The following NKAIN2 variants were observed in gnomAD, a reference collection of about 807,000 sequenced individuals.
NKAIN2 encodes sodium/potassium transporting ATPase interacting 2.
NKAIN2 carries 14 observed loss-of-function variants against 32.6 expected under a neutral mutation model. That is an observed-to-expected ratio of 0.43 (90% confidence interval 0.28 to 0.67). NKAIN2 has a LOEUF of 0.67. Among genes scored for constraint, NKAIN2 ranks in the 30% least tolerant of loss-of-function variants. The pLI is 0.17. For missense variants in NKAIN2, 198 were observed against 258.3 expected, an observed-to-expected ratio of 0.77 and a Z score of 1.60; for synonymous variants, 80 against 87.2, an observed-to-expected ratio of 0.92 and a Z score of 0.46.
chr6:124,533,398 G>A (rs1779598186), intron 3 of NKAIN2, among the ~76,000 whole-genome samples: 1 of 146,946 alleles, frequency 6.8e-6, no homozygotes, highest in Non-Finnish European at 1.5e-5. Flanking sequence ...CGTGAACCCG[G>A]GAGGTGGAGC....
intron 1 of NKAIN2, among the ~76,000 whole-genome samples, chr6:123,916,427 A>C (rs986674683): frequency 6.6e-6 from 1 of 151,398 alleles, no homozygotes; most frequent in African/African-American, 2.4e-5. Flanking sequence ...TACCTGGCTA[A>C]TTTTTTTTGT....
At chr6:124,283,382 A>G (rs1795393682) in intron 2 of NKAIN2, 1 of 294,190 alleles carries the variant, frequency 3.4e-6, no homozygotes, top group Admixed American at 4.7e-5. Flanking sequence ...CTTTCAGCGA[A>G]TAGTCTCATA....
intron 4 of NKAIN2, among the ~76,000 whole-genome samples, chr6:124,687,374 C>CATGGAATATATATATTCCATGTATATGT (rs1562324580): frequency 1.8e-5 from 2 of 112,790 alleles, no homozygotes; most frequent in African/African-American, 6.8e-5. Context: ...CATACACATA[C>CATGGAATATATATATTCCATGTATATGT]ATGGAATATA....
At chr6:124,159,754 C>T (rs1788179402) in intron 1 of NKAIN2, among the ~76,000 whole-genome samples, 1 of 152,106 alleles carries the variant, frequency 6.6e-6, no homozygotes, top group African/African-American at 2.4e-5. Context: ...CTCAGAAACC[C>T]AAGCGCAAGA....
At chr6:124,562,548 T>A (rs958140665) in intron 3 of NKAIN2, among the ~76,000 whole-genome samples, 29 of 152,250 alleles carry the variant, frequency 1.9e-4, no homozygotes, top group African/African-American at 7.0e-4. Flanking sequence ...AATTTTGGTT[T>A]ATGTTTGTTA....
intron 3 of NKAIN2, among the ~76,000 whole-genome samples, chr6:124,364,911 C>T (rs1223815890): frequency 6.6e-6 from 1 of 151,760 alleles, no homozygotes; most frequent in African/African-American, 2.4e-5. Flanking sequence ...AACAATAACA[C>T]AAGAGGTAGA....
At chr6:124,003,985 T>C (rs1237736223) in intron 1 of NKAIN2, among the ~76,000 whole-genome samples, 1 of 152,224 alleles carries the variant, frequency 6.6e-6, no homozygotes, top group Non-Finnish European at 1.5e-5. Context: ...GAGCTAAAAG[T>C]GCACAAAGAG....
intron 3 of NKAIN2, among the ~76,000 whole-genome samples, chr6:124,428,683 C>T (rs576491146): frequency 6.6e-6 from 1 of 152,202 alleles, no homozygotes; most frequent in South Asian, 2.1e-4. Context: ...AGGCTAGGGA[C>T]AATATCTTTT....
At chr6:124,256,804 G>T (rs1793956870) in intron 1 of NKAIN2, among the ~76,000 whole-genome samples, 1 of 151,434 alleles carries the variant, frequency 6.6e-6, no homozygotes, top group South Asian at 2.1e-4. Flanking sequence ...TGTGTCAACA[G>T]GATAGAGTTT....
chr6:124,191,421 A>G (rs1322359248), intron 1 of NKAIN2, among the ~76,000 whole-genome samples: 1 of 152,012 alleles, frequency 6.6e-6, no homozygotes, highest in Non-Finnish European at 1.5e-5. Context: ...TTATATTTCC[A>G]GTTTATAGAA....
At chr6:124,315,687 T>A (rs1284523101) in intron 2 of NKAIN2, among the ~76,000 whole-genome samples, 1 of 152,166 alleles carries the variant, frequency 6.6e-6, no homozygotes, top group East Asian at 1.9e-4. Flanking sequence ...GTTCACCAAA[T>A]GCATTGGAGA....
chr6:124,171,399 A>C (rs948358675), intron 1 of NKAIN2, among the ~76,000 whole-genome samples: 14 of 152,140 alleles, frequency 9.2e-5, no homozygotes, highest in African/African-American at 3.4e-4. Flanking sequence ...GATATAAGTT[A>C]GAAAATTCAT....
chr6:123,976,392 T>TATTCCC (rs1291517385), intron 1 of NKAIN2, among the ~76,000 whole-genome samples: 2 of 52,180 alleles, frequency 3.8e-5, no homozygotes, highest in African/African-American at 6.5e-5. Context: ...TATATATATA[T>TATTCCC]ATATATATAT....
At chr6:124,770,853 C>A (rs1283304501) in intron 4 of NKAIN2, among the ~76,000 whole-genome samples, 1 of 152,098 alleles carries the variant, frequency 6.6e-6, no homozygotes, top group African/African-American at 2.4e-5. Context: ...TCCAAGCATA[C>A]ACTCTATCAT....
At chr6:124,725,438 G>A (rs1241699422) in intron 4 of NKAIN2, among the ~76,000 whole-genome samples, 2 of 151,972 alleles carry the variant, frequency 1.3e-5, no homozygotes, top group Non-Finnish European at 2.9e-5. Flanking sequence ...AGTTATTTGG[G>A]CCTCATCATC....
intron 1 of NKAIN2, among the ~76,000 whole-genome samples, chr6:124,010,068 A>T (rs1461295304): frequency 1.3e-5 from 2 of 152,148 alleles, no homozygotes; most frequent in Non-Finnish European, 2.9e-5. Context: ...TCAGCCTCTT[A>T]CAGGGCCCCA....
chr6:124,596,663 GGTGTGTGTGTGTGT>G (rs9321001), intron 3 of NKAIN2, among the ~76,000 whole-genome samples: 31 of 142,602 alleles, frequency 2.2e-4, no homozygotes, highest in Middle Eastern at 3.5e-3. Flanking sequence ...TAAACCATAG[GGTGTGTGTGTGTGT>G]GTGTGTGTGT....
rs572661269 is a variant in NKAIN2 at position 124,552,383 on chromosome 6, T to C, written c.274-105803T>C. 2.6e-5 allele frequency among the ~76,000 whole-genome samples: 4 copies of C among 152,342 alleles called. No homozygotes were observed. In the South Asian group the frequency reaches 8.3e-4, roughly 32 times the overall value. ...TGAATGAGGCAGGCAAGCATCTCTC[T>C]GGCATCCAAAGTGAGTGAAGTTGGA... is the stretch of plus-strand genomic sequence containing the variant. On this transcript the variant is annotated intron_variant, in intron 3 of 6. Transcript: ENST00000368417.
At chr6:123,908,373 A>G (rs1774996471) in intron 1 of NKAIN2, among the ~76,000 whole-genome samples, 1 of 152,200 alleles carries the variant, frequency 6.6e-6, no homozygotes, top group African/African-American at 2.4e-5. Flanking sequence ...AAGGCTCTTC[A>G]GCTCTTGCTA....
Sources: allele counts gnomAD v4.1 joint callset (sites outside exome capture counted in the v4.1 genomes callset), GRCh38; gene constraint gnomAD v4.1.1; transcripts MANE v1.5; gene names NCBI Gene and HGNC (gene_info 2026-07-23, HGNC 2026-07-21).